Variants in ZNF774 observed in about 807,000 individuals in gnomAD.
ZNF774 encodes zinc finger protein 774.
Under a neutral mutation model 11.1 loss-of-function variants are expected in ZNF774, and 14 were observed. That is an observed-to-expected ratio of 1.26 (90% CI 0.83 to 1.97). The LOEUF (loss-of-function observed/expected upper bound fraction) is 1.97, where lower values mean the gene tolerates loss of function less well. Among genes scored for constraint, ZNF774 ranks in the 30% most tolerant of loss-of-function variants. The pLI is 0.00. For synonymous variants in ZNF774, 195 were observed against 212.6 expected (o/e 0.92, Z 0.72); for missense variants, 599 against 587.0 (o/e 1.02, Z -0.21).
intron 1 of ZNF774, among the ~76,000 whole-genome samples, chr15:90,353,311 A>G (rs546657038): frequency 6.6e-6 from 1 of 152,282 alleles, no homozygotes; most frequent in South Asian, 2.1e-4. Flanking sequence ...TAATTACATT[A>G]TTGTTGTTTG....
At chr15:90,355,734 A>C (rs967351749) in intron 2 of ZNF774, among the ~76,000 whole-genome samples, 19 of 144,786 alleles carry the variant, frequency 1.3e-4, no homozygotes, top group Non-Finnish European at 2.4e-4. Flanking sequence ...AAAAAAAAAA[A>C]AAAAAAAAAA....
Position 90,360,176 on chromosome 15 carries a change from A to G in ZNF774, c.345A>G (p.Leu115=), listed in dbSNP as rs74038631. 7,540 of 1,614,192 alleles carry G rather than the reference A, an allele frequency of 4.7e-3. 233 individuals carry two copies. The African/African-American group carries it at 0.079, about 17-fold the overall frequency. Residue 115 remains leucine, a synonymous_variant, in exon 4 of 4, where the codon CTA becomes CTG. Transcript: ENST00000354377. The part of the protein sequence containing the change: ...LSWGGNWEQG[L]ELEGQHGTLP... ...GGGGAGGAAACTGGGAGCAAGGCCTAGAATTAGAAGGGCAACATGGAACCC... is the reference window on the plus strand; with the variant it reads ...GGGGAGGAAACTGGGAGCAAGGCCTGGAATTAGAAGGGCAACATGGAACCC...
rs1277009220 is a variant in ZNF774 at position 90,360,622 on chromosome 15, C to T, written c.791C>T (p.Ala264Val). The change falls in exon 4 of 4, where the codon GCG (alanine) becomes GTG (valine). Residue 264 changes from alanine (A) to valine (V), a missense_variant. Coordinates refer to ENST00000354377, the MANE Select transcript of ZNF774 (RefSeq NM_001004309.3). ...QRTHTGEKPYACLECHKSFSR... is the reference protein window; with the variant it reads ...QRTHTGEKPYVCLECHKSFSR... The stretch of plus-strand genomic sequence containing the variant: ...ACCCACACAGGCGAGAAGCCCTACG[C>T]GTGCCTGGAATGTCACAAAAGCTTC... 15 of 1,613,950 alleles carry T rather than the reference C, an allele frequency of 9.3e-6. No individual in the cohort carries two copies. Among genetic ancestry groups the T allele is most frequent in the Admixed American group, 1.7e-5 (1 of 59,990 alleles).
In ZNF774 at chr15:90,360,556, A is replaced by G. The variant is rs771958553; in HGVS notation, c.725A>G (p.Lys242Arg). 1 of 1,614,110 alleles carries G rather than the reference A, an allele frequency of 6.2e-7. No individual in the cohort carries two copies. The highest frequency in any genetic ancestry group is 8.5e-7 in the Non-Finnish European group (1 of 1,180,004). Reference protein sequence around the residue: ...ERPYECPECGKTFGRKPHLIM... With the variant: ...ERPYECPECGRTFGRKPHLIM... Reference sequence around the variant, plus strand: ...CCCTATGAGTGCCCAGAGTGTGGAAAGACTTTTGGGCGGAAGCCACACCTC... The same window carrying G: ...CCCTATGAGTGCCCAGAGTGTGGAAGGACTTTTGGGCGGAAGCCACACCTC... The change falls in exon 4 of 4, where the codon AAG becomes AGG. Residue 242 changes from lysine (K) to arginine (R), a missense_variant. Coordinates refer to ENST00000354377, the MANE Select transcript of ZNF774 (RefSeq NM_001004309.3).
At chr15:90,357,378 C>T (rs4932337) in intron 2 of ZNF774, among the ~76,000 whole-genome samples, 19,115 of 151,808 alleles carry the variant, frequency 0.13, 2,088 homozygotes, top group East Asian at 0.47. Flanking sequence ...GGGGCTTGTG[C>T]CTCTGGTCCC....
rs559053912 is a variant in ZNF774 at position 90,360,867 on chromosome 15, C to A, written c.1036C>A (p.Pro346Thr). The A allele has an allele frequency of 5.3e-5, 86 of 1,613,998 alleles. No individual in the cohort carries two copies. The highest frequency in any genetic ancestry group is 3.3e-4 in the Middle Eastern group (2 of 6,084). ...CATGAGCACTCATTCAGGAGAGAGG[C>A]CTTTCAGTTGTCCTGACTGCCACAA... ...AHMSTHSGER[P>T]FSCPDCHKSF... is the part of the protein sequence containing the mutation. Residue 346 changes from proline to threonine, a missense_variant, in exon 4 of 4, where the codon CCT becomes ACT. Transcript: ENST00000354377.
At chr15:90,359,584 A>G (rs1964296805) in intron 3 of ZNF774, among the ~76,000 whole-genome samples, 1 of 151,746 alleles carries the variant, frequency 6.6e-6, no homozygotes, top group Non-Finnish European at 1.5e-5. Flanking sequence ...CCTCCCAAGT[A>G]GCTGGGACTA....
intron 1 of ZNF774, among the ~76,000 whole-genome samples, chr15:90,354,089 C>CT (rs1304393317): frequency 1.3e-5 from 2 of 150,156 alleles, no homozygotes; most frequent in Non-Finnish European, 3.0e-5. Flanking sequence ...AAAAAAATGT[C>CT]TTTTTCAGTC....
rs1477156939 is a variant in ZNF774, at chr15:90,360,765, A to T, written c.934A>T (p.Thr312Ser). 6.2e-7 allele frequency: 1 copy of T among 1,614,160 alleles called. No individual in the cohort carries two copies. The highest frequency in any genetic ancestry group is 2.2e-5 in the East Asian group (1 of 44,886). Residue 312 changes from threonine to serine, a missense_variant, in exon 4 of 4, where the codon ACC (threonine) becomes TCC (serine). By Grantham distance (58) the Thr-to-Ser change is moderately conservative. Coordinates refer to ENST00000354377, the MANE Select transcript of ZNF774 (RefSeq NM_001004309.3). ...QSSDLIKHQR[T>S]HTGERPFKCP... The stretch of plus-strand genomic sequence containing the variant: ...CTCGGATTTGATTAAGCACCAACGA[A>T]CCCACACGGGAGAACGGCCCTTCAA...
chr15:90,358,545 A>T (rs1030404413), intron 2 of ZNF774, among the ~76,000 whole-genome samples: 4 of 152,074 alleles, frequency 2.6e-5, no homozygotes, highest in East Asian at 3.8e-4. Context: ...TTCTGATAAA[A>T]TCCTCTCCAT....
At chr15:90,354,898 G>T in intron 2 of ZNF774, 134 bp downstream of exon 2, 1 of 745,822 alleles carries the variant, frequency 1.3e-6, no homozygotes, top group Non-Finnish European at 2.3e-6. Flanking sequence ...GGGCTCAAGC[G>T]ATTCTCCCAC....
chr15:90,353,836 GA>G (rs1964207468), intron 1 of ZNF774, among the ~76,000 whole-genome samples: 1 of 151,918 alleles, frequency 6.6e-6, no homozygotes, highest in African/African-American at 2.4e-5. Flanking sequence ...CTTTTTAAGG[GA>G]AAAAACATTA....
At chr15:90,358,652 GGGCTTTTTTTT>G (rs1169635507) in intron 2 of ZNF774, among the ~76,000 whole-genome samples, 188 bp from the exon 3 acceptor site, 6 of 152,096 alleles carry the variant, frequency 3.9e-5, no homozygotes, top group African/African-American at 1.4e-4. Context: ...GGGAGGAAAA[GGGCTTTTTTTT>G]CTTAACATTT....
intron 2 of ZNF774, among the ~76,000 whole-genome samples, chr15:90,355,068 C>A (rs1212975073): frequency 6.6e-6 from 1 of 152,150 alleles, no homozygotes; most frequent in African/African-American, 2.4e-5. Flanking sequence ...ATCCACTGGC[C>A]TCCGCCTTCC....
rs1252098565 is a variant in ZNF774, at chr15:90,360,934, C to A, written c.1103C>A (p.Thr368Lys). 1 of 1,614,090 alleles carries A rather than the reference C, an allele frequency of 6.2e-7. No homozygotes were observed. The highest frequency in any genetic ancestry group is 8.5e-7 in the Non-Finnish European group (1 of 1,180,040). ...TCACATTTGGTCACGCACCAAAGAA[C>A]ACACACAGGTGAGAGACCTTTTAAG... ...QSSHLVTHQR[T>K]HTGERPFKCE... is the part of the protein sequence containing the mutation. The change falls in exon 4 of 4, where the codon ACA (threonine) becomes AAA (lysine). Residue 368 changes from threonine (T) to lysine (K), a missense_variant. Coordinates refer to ENST00000354377, the MANE Select transcript of ZNF774 (RefSeq NM_001004309.3).
rs770220670 is a variant in ZNF774, at chr15:90,361,123, A to G, written c.1292A>G (p.Tyr431Cys). 1.3e-5 allele frequency: 21 copies of G among 1,614,092 alleles called. No individual in the cohort carries two copies. The East Asian group carries it at 4.5e-4, about 34-fold the overall frequency. ...HQRIHLGDRPYRCPECGKTFN... is the reference protein window; with the variant it reads ...HQRIHLGDRPCRCPECGKTFN... ...CGAATCCACTTAGGAGACAGGCCCTATCGATGTCCTGAGTGTGGCAAGACC... is the reference window on the plus strand; with the variant it reads ...CGAATCCACTTAGGAGACAGGCCCTGTCGATGTCCTGAGTGTGGCAAGACC... The change falls in exon 4 of 4, where the codon TAT becomes TGT. Residue 431 changes from tyrosine to cysteine, a missense_variant. Transcript: ENST00000354377.
rs1964304123 is a variant in ZNF774, at chr15:90,360,062, A to G, written c.231A>G (p.Ala77=). The G allele has an allele frequency of 6.2e-7, 1 of 1,605,612 alleles. No homozygotes were observed. The highest frequency in any genetic ancestry group is 8.5e-7 in the Non-Finnish European group (1 of 1,175,130). Residue 77 remains alanine (A), a synonymous_variant, in exon 4 of 4, where the codon GCA becomes GCG. Coordinates refer to ENST00000354377, the MANE Select transcript of ZNF774 (RefSeq NM_001004309.3). The part of the protein sequence containing the change: ...ESHTDCEHQV[A]KLNQDNSETA... ...TTTCAGACTGTGAGCATCAGGTGGC[A>G]AAGCTCAATCAGGACAATTCTGAAA...
intron 3 of ZNF774, among the ~76,000 whole-genome samples, chr15:90,359,782 C>T (rs917232227): frequency 1.9e-4 from 29 of 152,176 alleles, no homozygotes; most frequent in African/African-American, 6.5e-4. Context: ...CTAAAGAAAC[C>T]GCACAATATT....
rs939806724 is a variant in ZNF774, at chr15:90,362,496, G to A, written c.*1213G>A. On this transcript the variant is annotated 3_prime_UTR_variant, in exon 4 of 4. Coordinates refer to ENST00000354377, the MANE Select transcript of ZNF774 (RefSeq NM_001004309.3). Reference sequence around the variant, plus strand: ...CAACTCTTGTTTTCTAATTTGCTGGGTCATTGGCCATTTAGTTTTAGGTTA... The same window carrying A: ...CAACTCTTGTTTTCTAATTTGCTGGATCATTGGCCATTTAGTTTTAGGTTA... 3.3e-6 allele frequency: 5 copies of A among 1,513,490 alleles called. No individual in the cohort carries two copies. Among genetic ancestry groups the A allele is most frequent in the East Asian group, 2.5e-5 (1 of 40,778 alleles). The allele number at this position is 1,513,490 out of a possible 1,614,324, so 93.8% of individuals were successfully genotyped here.
Sources: allele counts gnomAD v4.1 joint callset (sites outside exome capture counted in the v4.1 genomes callset), GRCh38; gene constraint gnomAD v4.1.1; transcripts MANE v1.5; gene names NCBI Gene and HGNC (gene_info 2026-07-23, HGNC 2026-07-21).